CUL1: variants seen among roughly 807,000 people sequenced by gnomAD.
CUL1 encodes the protein cullin 1.
CUL1 carries 24 observed loss-of-function variants against 118.0 expected under a neutral mutation model. That is an observed-to-expected ratio of 0.20 (90% CI 0.15 to 0.29). CUL1 has a LOEUF of 0.29. CUL1 is among the 10% of genes least tolerant of loss of function. CUL1 has a pLI of 1.00. For missense variants in CUL1, 361 were observed against 933.8 expected, an observed-to-expected ratio of 0.39 and a Z score of 7.99; for synonymous variants, 332 against 340.4, an observed-to-expected ratio of 0.98 and a Z score of 0.27.
At chr7:148,786,910 T>C in intron 12 of CUL1, 79 bp from the exon 13 acceptor site, 1 of 1,542,098 alleles carries the variant, frequency 6.5e-7, no homozygotes, top group Admixed American at 1.9e-5. Flanking sequence ...GCTCCTGGCT[T>C]GTGGCCGGTG....
chr7:148,795,788 A>G (rs978173134), intron 17 of CUL1, among the ~76,000 whole-genome samples: 9 of 150,700 alleles, frequency 6.0e-5, no homozygotes, highest in Non-Finnish European at 1.0e-4. Flanking sequence ...AAAAAAAAAA[A>G]GGTACAACTA....
chr7:148,730,542 T>C (rs1798727646), intron 2 of CUL1, among the ~76,000 whole-genome samples: 1 of 152,158 alleles, frequency 6.6e-6, no homozygotes, highest in Non-Finnish European at 1.5e-5. Context: ...GATTAATAAA[T>C]AAAACATTTC....
At chr7:148,782,237 A>G (rs1333105099) in intron 9 of CUL1, among the ~76,000 whole-genome samples, 1 of 152,228 alleles carries the variant, frequency 6.6e-6, no homozygotes, top group East Asian at 1.9e-4. Context: ...CAATTAGGTC[A>G]AGCAGAAAAT....
chr7:148,796,971 C>G (rs1486609174), intron 17 of CUL1, among the ~76,000 whole-genome samples: 1 of 152,158 alleles, frequency 6.6e-6, no homozygotes, highest in Non-Finnish European at 1.5e-5. Flanking sequence ...GACTCCACTG[C>G]CCGTGGGTTG....
chr7:148,751,629 T>C (rs530635651), intron 2 of CUL1, among the ~76,000 whole-genome samples: 108 of 152,016 alleles, frequency 7.1e-4, no homozygotes, highest in Admixed American at 1.0e-3. Context: ...GCTAGTTTTA[T>C]TCTTTGCAGC....
At position 148,705,445 on chromosome 7, in the gene CUL1, C is replaced by T. The variant is rs551826013; in HGVS notation, c.-162+6416C>T. Among the ~76,000 whole-genome samples, 11 of 152,264 alleles carry T rather than the reference C, an allele frequency of 7.2e-5. No homozygotes were observed. The East Asian group carries it at 2.1e-3, about 29-fold the overall frequency. On this transcript the variant is annotated intron_variant, in intron 1 of 21. Transcript: ENST00000325222. The stretch of plus-strand genomic sequence containing the variant: ...CCATCAATTATTTAAGAAGTGTATG[C>T]TAAATAGTACAAATGAGGAATACTG...
upstream of CUL1, chr7:148,697,997 T>A (rs1247481341): frequency 6.6e-6 from 1 of 152,194 alleles, no homozygotes; most frequent in Non-Finnish European, 1.5e-5. Flanking sequence ...AGACGAAGGA[T>A]AGAGTGAATG....
intron 9 of CUL1, chr7:148,783,351 GC>G: frequency 5.1e-6 from 5 of 985,290 alleles, no homozygotes; most frequent in Non-Finnish European, 6.0e-6. Context: ...CCCGCCCTGA[GC>G]CCCGCTTTCC....
At chr7:148,777,586 A>T (rs922498936) in intron 9 of CUL1, among the ~76,000 whole-genome samples, 1 of 152,204 alleles carries the variant, frequency 6.6e-6, no homozygotes, top group Non-Finnish European at 1.5e-5. Flanking sequence ...GAGTTCTCCA[A>T]ATTAACTCTC....
intron 1 of CUL1, among the ~76,000 whole-genome samples, chr7:148,719,522 A>G (rs1162832190): frequency 6.6e-6 from 1 of 152,216 alleles, no homozygotes; most frequent in Non-Finnish European, 1.5e-5. Context: ...TTATCTAATT[A>G]GATAATCCTT....
intron 1 of CUL1, among the ~76,000 whole-genome samples, chr7:148,701,300 C>T (rs1053211004): frequency 6.6e-6 from 1 of 152,162 alleles, no homozygotes; most frequent in Non-Finnish European, 1.5e-5. Context: ...AATTGATCGT[C>T]TCTCTCATCC....
intron 6 of CUL1, 99 bp downstream of exon 6, chr7:148,759,737 A>G (rs1799777199): frequency 1.8e-6 from 1 of 567,616 alleles, no homozygotes. Flanking sequence ...TTAATATTAT[A>G]AAGGATATTG....
chr7:148,779,684 T>C (rs886325734), intron 9 of CUL1, among the ~76,000 whole-genome samples: 2 of 152,192 alleles, frequency 1.3e-5, no homozygotes, highest in African/African-American at 4.8e-5. Flanking sequence ...TATATGTGCT[T>C]GCTGCCATGT....
At chr7:148,772,972 A>C (rs6951114) in intron 9 of CUL1, among the ~76,000 whole-genome samples, 1 of 151,792 alleles carries the variant, frequency 6.6e-6, no homozygotes, top group South Asian at 2.1e-4. Context: ...ACTGTTTTCT[A>C]TGCATTTTCT....
intron 4 of CUL1, among the ~76,000 whole-genome samples, chr7:148,757,871 G>A (rs1432784115): frequency 6.6e-6 from 1 of 152,148 alleles, no homozygotes; most frequent in East Asian, 1.9e-4. Context: ...ATCAGATCTC[G>A]TGAGACTATT....
chr7:148,763,777 C>T (rs1799916187), intron 7 of CUL1, among the ~76,000 whole-genome samples: 1 of 152,144 alleles, frequency 6.6e-6, no homozygotes, highest in Non-Finnish European at 1.5e-5. Context: ...TACTCAATAA[C>T]TTAGGGAGCA....
rs769741799 is a variant in CUL1, at chr7:148,786,972, C to A, written c.1348-17C>A. 33 of 1,479,386 alleles carry A rather than the reference C, an allele frequency of 2.2e-5. No individual in the cohort carries two copies. Among genetic ancestry groups the A allele is most frequent in the South Asian group, 2.8e-5 (2 of 71,408 alleles). 91.6% of individuals were successfully genotyped at this position (1,479,386 alleles called of 1,614,324 possible). ...TGTGTGTGCTGGTTAAGTGTGTTGTCTCGGTGGCTTTGCCAGATGGTTGTC... is the reference window on the plus strand; with the variant it reads ...TGTGTGTGCTGGTTAAGTGTGTTGTATCGGTGGCTTTGCCAGATGGTTGTC... On this transcript the variant is annotated splice_polypyrimidine_tract_variant and intron_variant, in intron 12 of 21. Coordinates refer to ENST00000325222, the MANE Select transcript of CUL1 (RefSeq NM_003592.3).
At chr7:148,746,914 A>G (rs897906413) in intron 2 of CUL1, among the ~76,000 whole-genome samples, 3 of 152,206 alleles carry the variant, frequency 2.0e-5, no homozygotes, top group African/African-American at 7.2e-5. Flanking sequence ...TGCGTACTCT[A>G]TCTTCAGGTG....
chr7:148,791,441 G>T (rs1164473263), intron 16 of CUL1, among the ~76,000 whole-genome samples: 1 of 152,208 alleles, frequency 6.6e-6, no homozygotes. Context: ...TTATCAACTT[G>T]AATGTTTCTT....
Sources: allele counts gnomAD v4.1 joint callset (sites outside exome capture counted in the v4.1 genomes callset), GRCh38; gene constraint gnomAD v4.1.1; transcripts MANE v1.5; gene names NCBI Gene and HGNC (gene_info 2026-07-23, HGNC 2026-07-21).